The following LTBP1 variants were observed in gnomAD, a reference collection of about 807,000 sequenced individuals.
LTBP1 encodes the protein latent transforming growth factor beta binding protein 1, also known as latent-transforming growth factor beta-binding protein 1.
Under a neutral mutation model 207.6 loss-of-function variants are expected in LTBP1, and 129 were observed. The ratio of observed to expected loss-of-function variants is 0.62; its 90% CI spans 0.54 to 0.72. LTBP1 has a LOEUF of 0.72. LTBP1 is among the 30% of genes least tolerant of loss of function. The pLI is 0.00. For missense variants in LTBP1, 2,281 were observed against 2,217.2 expected, an observed-to-expected ratio of 1.03 and a Z score of -0.58; for synonymous variants, 963 against 833.7, an observed-to-expected ratio of 1.16 and a Z score of -2.67.
intron 3 of LTBP1, among the ~76,000 whole-genome samples, chr2:33,093,531 A>C (rs887463357): frequency 6.6e-6 from 1 of 151,834 alleles, no homozygotes; most frequent in Non-Finnish European, 1.5e-5. Context: ...TTTTACCTTC[A>C]TGGGCTCCGC....
intron 15 of LTBP1, among the ~76,000 whole-genome samples, chr2:33,266,485 G>C (rs576338388): frequency 6.6e-6 from 1 of 152,322 alleles, no homozygotes; most frequent in East Asian, 1.9e-4. Flanking sequence ...CAGGCTGCCA[G>C]TTCCAGGTGT....
Position 33,187,846 on chromosome 2 carries a change from T to C in LTBP1, c.1427-731T>C, listed in dbSNP as rs372139080. ...GAGAATTGTGCCTTGTAAAACTGGG[T>C]TTTCTCTTTTAATAGAAACATGTAA... On this transcript the variant is annotated intron_variant, in intron 6 of 33. Coordinates refer to ENST00000404816, the MANE Select transcript of LTBP1 (RefSeq NM_206943.4). 1.5e-3 allele frequency among the ~76,000 whole-genome samples: 222 copies of C among 152,318 alleles called. 1 individual carries two copies. Among genetic ancestry groups the C allele is most frequent in the Middle Eastern group, 0.014 (4 of 294 alleles).
chr2:33,167,424 T>G (rs1248559194), intron 5 of LTBP1, among the ~76,000 whole-genome samples: 1 of 151,092 alleles, frequency 6.6e-6, no homozygotes, highest in Non-Finnish European at 1.5e-5. Context: ...TTTGCTAAGC[T>G]CTAGGGATGA....
intron 3 of LTBP1, among the ~76,000 whole-genome samples, chr2:33,050,360 A>G (rs1371555385): frequency 6.6e-6 from 1 of 152,104 alleles, no homozygotes; most frequent in Non-Finnish European, 1.5e-5. Flanking sequence ...ATAGGACCTA[A>G]CAGGTAGAGG....
chr2:33,267,790 C>T (rs2093220978), intron 15 of LTBP1, among the ~76,000 whole-genome samples: 1 of 152,204 alleles, frequency 6.6e-6, no homozygotes, highest in Non-Finnish European at 1.5e-5. Flanking sequence ...GCAGTTTCAA[C>T]ATTTAAATGT....
At chr2:33,319,597 C>G (rs2094324238) in intron 24 of LTBP1, among the ~76,000 whole-genome samples, 1 of 152,088 alleles carries the variant, frequency 6.6e-6, no homozygotes, top group South Asian at 2.1e-4. Flanking sequence ...CTTTTCCATG[C>G]CTCCTTCCTT....
chr2:33,362,673 G>A (rs982241459), intron 28 of LTBP1, among the ~76,000 whole-genome samples: 1 of 152,164 alleles, frequency 6.6e-6, no homozygotes, highest in African/African-American at 2.4e-5. Flanking sequence ...GGAGTCTTCA[G>A]GTTGTAAAAT....
intron 31 of LTBP1, among the ~76,000 whole-genome samples, chr2:33,384,845 G>A (rs2095251928): frequency 1.3e-5 from 2 of 152,168 alleles, no homozygotes; most frequent in Admixed American, 1.3e-4. Context: ...CCTCCAAGCT[G>A]TAATGGGTTC....
At chr2:33,246,123 T>C (rs946897472) in intron 10 of LTBP1, among the ~76,000 whole-genome samples, 1 of 152,202 alleles carries the variant, frequency 6.6e-6, no homozygotes, top group African/African-American at 2.4e-5. Context: ...ACAGCTGAAC[T>C]GATAAGTATT....
chr2:33,049,004 A>T (rs1573304614), intron 3 of LTBP1, among the ~76,000 whole-genome samples: 1 of 152,216 alleles, frequency 6.6e-6, no homozygotes, highest in African/African-American at 2.4e-5. Context: ...TAATACTCAT[A>T]ATCTGTCCTT....
chr2:33,312,588 A>G (rs904766754), intron 23 of LTBP1, among the ~76,000 whole-genome samples: 1 of 152,138 alleles, frequency 6.6e-6, no homozygotes, highest in Non-Finnish European at 1.5e-5. Flanking sequence ...CTAGCAGCAT[A>G]GTTTAGAAAT....
At chr2:33,239,875 A>G (rs1015528854) in intron 9 of LTBP1, among the ~76,000 whole-genome samples, 1 of 151,634 alleles carries the variant, frequency 6.6e-6, no homozygotes, top group Non-Finnish European at 1.5e-5. Context: ...CTGTACTCCA[A>G]CCTGTGTGAC....
At chr2:33,179,948 C>G (rs1477443498) in intron 5 of LTBP1, among the ~76,000 whole-genome samples, 1 of 152,182 alleles carries the variant, frequency 6.6e-6, no homozygotes, top group Non-Finnish European at 1.5e-5. Flanking sequence ...CCCAGCTTGT[C>G]TCCCTTTCTC....
chr2:33,095,209 A>T (rs1042936494), intron 3 of LTBP1, among the ~76,000 whole-genome samples: 1 of 152,228 alleles, frequency 6.6e-6, no homozygotes, highest in Non-Finnish European at 1.5e-5. Context: ...ACAGATGACA[A>T]TTACAAACTC....
intron 3 of LTBP1, among the ~76,000 whole-genome samples, chr2:33,084,723 T>C (rs1295959733): frequency 1.3e-5 from 2 of 152,204 alleles, no homozygotes; most frequent in African/African-American, 4.8e-5. Context: ...ACATGATTTG[T>C]TTGTTCTCAT....
chr2:33,344,125 T>C (rs1401330491), intron 25 of LTBP1, among the ~76,000 whole-genome samples: 1 of 152,260 alleles, frequency 6.6e-6, no homozygotes, highest in East Asian at 1.9e-4. Flanking sequence ...ACTGCTTTTG[T>C]GGAATTATGA....
intron 32 of LTBP1, among the ~76,000 whole-genome samples, chr2:33,394,428 G>C (rs1314502263): frequency 6.6e-6 from 1 of 152,000 alleles, no homozygotes; most frequent in East Asian, 1.9e-4. Context: ...TATGGTTTTA[G>C]GTCTAACATG....
intron 31 of LTBP1, among the ~76,000 whole-genome samples, chr2:33,376,956 T>C (rs2095147867): frequency 6.6e-6 from 1 of 152,034 alleles, no homozygotes; most frequent in African/African-American, 2.4e-5. Context: ...TTGTGTGTTT[T>C]TAAAAAATAA....
In LTBP1 at chr2:33,302,115, A is replaced by G. The variant is rs1190151088; in HGVS notation, c.3481+471A>G. ...GTCCAGTATCGTGCAGTCATCAACC[A>G]CTTTCACTACTTGTTTGGCTAAGAA... On this transcript the variant is annotated intron_variant, in intron 22 of 33. Coordinates refer to ENST00000404816, the MANE Select transcript of LTBP1 (RefSeq NM_206943.4). Among the ~76,000 whole-genome samples, 3 of 152,150 alleles carry G rather than the reference A, an allele frequency of 2.0e-5. No homozygotes were observed. In the East Asian group the frequency reaches 5.8e-4, roughly 29 times the overall value.
Sources: gnomAD v4.1 joint callset for allele counts (sites outside exome capture counted in the v4.1 genomes callset) on GRCh38, gnomAD v4.1.1 for gene constraint, MANE v1.5 for transcripts, NCBI Gene and HGNC (gene_info 2026-07-23, HGNC 2026-07-21) for gene names.